Variants in MYO16 observed in about 807,000 individuals in gnomAD.
The protein encoded by MYO16 is myosin XVI.
A neutral mutation model predicts 205.3 loss-of-function variants in MYO16; 94 were observed. That is an observed-to-expected ratio of 0.46 (90% CI 0.39 to 0.54). MYO16 has a LOEUF of 0.54. Ranked by LOEUF, MYO16 falls within the 20% of genes least tolerant of loss-of-function variation. The pLI is 0.00. For missense variants in MYO16, 2,315 were observed against 2,387.5 expected (o/e 0.97, Z 0.63); for synonymous variants, 988 against 954.0 (o/e 1.04, Z -0.66).
At chr13:108,940,441 T>C (rs1189827284) in intron 16 of MYO16, among the ~76,000 whole-genome samples, 1 of 152,162 alleles carries the variant, frequency 6.6e-6, no homozygotes, top group Non-Finnish European at 1.5e-5. Context: ...TCTATGTGCA[T>C]TCCAATTAGT....
chr13:108,570,096 T>C, the MYO16 span, among the ~76,000 whole-genome samples: 12 of 152,220 alleles, frequency 7.9e-5, no homozygotes, highest in Admixed American at 3.3e-4. Flanking sequence ...AGTATTATTA[T>C]GATCTCTGCC....
At position 108,910,051 on chromosome 13, in the gene MYO16, C is replaced by G; in HGVS notation, c.1826C>G (p.Pro609Arg). ...GAGAAATCCAGACTTGTTTCACAAC[C>G]TCTTGGCCAGAGCAATTTTCTCATT... ...LLEKSRLVSQPLGQSNFLIFY... is the reference protein window; with the variant it reads ...LLEKSRLVSQRLGQSNFLIFY... Residue 609 changes from proline (P) to arginine (R), a missense_variant, in exon 16 of 35, where the codon CCT becomes CGT. By Grantham distance (103) the Pro-to-Arg change is moderately radical. This residue lies in a region of MYO16 where 1,213 missense variants were observed against 1,274.4 expected (regional missense o/e 0.95). Coordinates refer to ENST00000457511, the MANE Select transcript of MYO16 (RefSeq NM_001198950.3). 1 of 1,613,500 alleles carries G rather than the reference C, an allele frequency of 6.2e-7. No individual in the cohort carries two copies. The highest frequency in any genetic ancestry group is 8.5e-7 in the Non-Finnish European group (1 of 1,179,640).
At chr13:108,533,396 C>T in the MYO16 span, among the ~76,000 whole-genome samples, 1 of 152,150 alleles carries the variant, frequency 6.6e-6, no homozygotes, top group African/African-American at 2.4e-5. Context: ...GGGAGTTGTC[C>T]ATGCCAGAAT....
chr13:108,989,455 C>G (rs1365408851), intron 20 of MYO16, among the ~76,000 whole-genome samples: 1 of 152,120 alleles, frequency 6.6e-6, no homozygotes. Context: ...CTATTTCTTT[C>G]CAGGCCTTCT....
chr13:108,722,550 C>CA (rs931903304), intron 3 of MYO16, among the ~76,000 whole-genome samples: 1 of 152,112 alleles, frequency 6.6e-6, no homozygotes, highest in African/African-American at 2.4e-5. Context: ...TGGTGAAAGA[C>CA]AGTGAAAATC....
At chr13:108,640,830 A>C (rs751882839) in intron 1 of MYO16, among the ~76,000 whole-genome samples, 1 of 152,234 alleles carries the variant, frequency 6.6e-6, no homozygotes, top group South Asian at 2.1e-4. Flanking sequence ...GAGGTTTGAC[A>C]TAAAGGAAAC....
chr13:109,081,352 C>T (rs9301349), intron 27 of MYO16, among the ~76,000 whole-genome samples: 83,371 of 151,928 alleles, frequency 0.55, 23,265 homozygotes, highest in Non-Finnish European at 0.6. Context: ...CTCAAAGACA[C>T]CTCCATGAAA....
intron 2 of MYO16, among the ~76,000 whole-genome samples, chr13:108,709,000 C>A (rs1005470978): frequency 2.0e-5 from 3 of 151,386 alleles, no homozygotes; most frequent in Non-Finnish European, 4.4e-5. Flanking sequence ...GCCCCCCCAC[C>A]CCCTCCCACA....
intron 20 of MYO16, among the ~76,000 whole-genome samples, chr13:108,984,948 A>G (rs980924967): frequency 6.6e-6 from 1 of 152,210 alleles, no homozygotes; most frequent in Admixed American, 6.5e-5. Context: ...ACACAGACAG[A>G]CAGTAAGGAA....
chr13:108,563,692 A>AGAGTACTCC, the MYO16 span, among the ~76,000 whole-genome samples: 1 of 151,924 alleles, frequency 6.6e-6, no homozygotes, highest in Admixed American at 6.5e-5. Flanking sequence ...TATGGCTTGA[A>AGAGTACTCC]GAGTACTCCA....
chr13:108,590,479 T>TC, the MYO16 span, among the ~76,000 whole-genome samples: 1 of 152,156 alleles, frequency 6.6e-6, no homozygotes, highest in African/African-American at 2.4e-5. Flanking sequence ...TTGAACTGTG[T>TC]CCCCCAGAAG....
rs371939578 is a variant in MYO16, at chr13:108,712,740, C to A, written c.363+9C>A. The A allele has an allele frequency of 4.3e-6, 7 of 1,610,144 alleles. No homozygotes were observed. In the South Asian group the frequency reaches 6.6e-5, roughly 15 times the overall value. The stretch of plus-strand genomic sequence containing the variant: ...GGTCCCTGCTCCATCTGGTAAGAAC[C>A]GCGACAGTCAGTGCCAGTGCATGGG... On this transcript the variant is annotated intron_variant, in intron 3 of 34. Transcript: ENST00000457511.
chr13:108,662,058 T>C (rs936622715), intron 1 of MYO16, among the ~76,000 whole-genome samples: 3 of 152,206 alleles, frequency 2.0e-5, no homozygotes, highest in Non-Finnish European at 4.4e-5. Context: ...GTCTCTCTTC[T>C]GGGTCTAGCC....
the MYO16 span, among the ~76,000 whole-genome samples, chr13:108,557,464 A>T: frequency 6.6e-6 from 1 of 152,200 alleles, no homozygotes; most frequent in Non-Finnish European, 1.5e-5. Flanking sequence ...TGTAACTGAA[A>T]AAACAGTATA....
the MYO16 span, among the ~76,000 whole-genome samples, chr13:108,533,938 CA>C: frequency 6.6e-6 from 1 of 152,078 alleles, no homozygotes; most frequent in African/African-American, 2.4e-5. Context: ...AATTTTATAT[CA>C]CCTTCCTCTG....
upstream of MYO16, among the ~76,000 whole-genome samples, chr13:108,628,788 T>C (rs9587633): frequency 0.013 from 1,954 of 152,326 alleles, 51 homozygotes; most frequent in African/African-American, 0.045. Context: ...ACTTAACATA[T>C]TGTTCATGTT....
intron 13 of MYO16, among the ~76,000 whole-genome samples, chr13:108,887,219 C>T (rs1390685544): frequency 6.6e-6 from 1 of 152,158 alleles, no homozygotes; most frequent in African/African-American, 2.4e-5. Flanking sequence ...TGTTGATACT[C>T]TTAGGCCCCA....
At chr13:108,797,432 G>C (rs1426647457) in intron 6 of MYO16, among the ~76,000 whole-genome samples, 1 of 151,990 alleles carries the variant, frequency 6.6e-6, no homozygotes, top group Non-Finnish European at 1.5e-5. Flanking sequence ...AGAAGAGGAG[G>C]CTCCAGAAAT....
chr13:108,950,865 A>G (rs1273434962), intron 16 of MYO16, among the ~76,000 whole-genome samples: 2 of 152,198 alleles, frequency 1.3e-5, no homozygotes, highest in East Asian at 3.9e-4. Context: ...TCGGCAGCAG[A>G]GTGGAACAGT....
Sources: gnomAD v4.1 joint callset for allele counts (sites outside exome capture counted in the v4.1 genomes callset) on GRCh38, gnomAD v4.1.1 for gene constraint, gnomAD v4.1.1 regional missense constraint, MANE v1.5 for transcripts, NCBI Gene and HGNC (gene_info 2026-07-23, HGNC 2026-07-21) for gene names.